PEBP4: variants seen among roughly 807,000 people sequenced by gnomAD.
PEBP4 encodes the protein phosphatidylethanolamine binding protein 4, also known as phosphatidylethanolamine-binding protein 4.
In PEBP4, 22 loss-of-function variants were observed where a neutral mutation model predicts 23.9. That is an observed-to-expected ratio of 0.92 (90% CI 0.66 to 1.31). The LOEUF (loss-of-function observed/expected upper bound fraction) is 1.31, where lower values mean the gene tolerates loss of function less well. PEBP4 is among the 40% of genes most tolerant of loss of function. The pLI, the probability that PEBP4 is intolerant of heterozygous loss-of-function variation, is 0.00. For missense variants in PEBP4, 324 were observed against 281.7 expected, an observed-to-expected ratio of 1.15 and a Z score of -1.07; for synonymous variants, 112 against 99.3, an observed-to-expected ratio of 1.13 and a Z score of -0.76.
intron 4 of PEBP4, among the ~76,000 whole-genome samples, chr8:22,731,198 T>C (rs1336424125): frequency 1.3e-5 from 2 of 152,204 alleles, no homozygotes; most frequent in Non-Finnish European, 2.9e-5. Flanking sequence ...AAAGTTACAC[T>C]GAGTGTGCCT....
chr8:22,787,244 G>T (rs1406862879), intron 4 of PEBP4, among the ~76,000 whole-genome samples: 2 of 152,326 alleles, frequency 1.3e-5, no homozygotes, highest in East Asian at 1.9e-4. Context: ...GAGGAGAGGG[G>T]TCGTATTTTT....
rs555177122 is a variant in PEBP4 at position 22,865,487 on chromosome 8, C to G, written c.259-47752G>C. On this transcript the variant is annotated intron_variant, in intron 3 of 6. Transcript: ENST00000256404. This position sits in a 1 kb window ranked among gnomAD's most constrained non-coding sequence, Gnocchi z 6.9. ...GCGAGGTGGAGCGCGCCACCGCCCCCCCGGCCGCGCAGCGAGAAGGAGCCT... is the reference window on the plus strand; with the variant it reads ...GCGAGGTGGAGCGCGCCACCGCCCCGCCGGCCGCGCAGCGAGAAGGAGCCT... Among the ~76,000 whole-genome samples the G allele has an allele frequency of 5.9e-5, 9 of 152,046 alleles. No individual in the cohort carries two copies. Among genetic ancestry groups the G allele is most frequent in the African/African-American group, 1.9e-4 (8 of 41,438 alleles).
intron 3 of PEBP4, among the ~76,000 whole-genome samples, chr8:22,918,554 T>C (rs1335804999): frequency 8.6e-5 from 13 of 152,020 alleles, no homozygotes; most frequent in Admixed American, 8.5e-4. Flanking sequence ...CACCAGGTGC[T>C]CAGAAAAGTC....
chr8:22,830,634 A>C (rs1807067151), intron 3 of PEBP4, among the ~76,000 whole-genome samples: 1 of 152,176 alleles, frequency 6.6e-6, no homozygotes, highest in African/African-American at 2.4e-5. Flanking sequence ...CTGGTATTCC[A>C]GAGTTTCCTA....
chr8:22,766,684 C>T (rs188890981), intron 4 of PEBP4, among the ~76,000 whole-genome samples: 27 of 152,278 alleles, frequency 1.8e-4, no homozygotes, highest in Non-Finnish European at 2.8e-4. Context: ...CAGCAGCACC[C>T]GGGGCGGCGG....
At chr8:22,862,104 G>T (rs756957804) in intron 3 of PEBP4, among the ~76,000 whole-genome samples, 4 of 152,086 alleles carry the variant, frequency 2.6e-5, no homozygotes, top group Non-Finnish European at 4.4e-5. Context: ...AAAGCACTCC[G>T]GCTGAACTGA....
chr8:22,770,373 A>C (rs1031892907), intron 4 of PEBP4, among the ~76,000 whole-genome samples: 1 of 152,094 alleles, frequency 6.6e-6, no homozygotes, highest in South Asian at 2.1e-4. Context: ...TCCTCCCTCA[A>C]TGCCAGGCCA....
intron 3 of PEBP4, among the ~76,000 whole-genome samples, chr8:22,891,020 G>C (rs1585327769): frequency 6.6e-6 from 1 of 152,096 alleles, no homozygotes; most frequent in African/African-American, 2.4e-5. Flanking sequence ...AGTAGAGATG[G>C]GGTTTCACCA....
At chr8:22,846,579 G>C (rs1013688957) in intron 3 of PEBP4, among the ~76,000 whole-genome samples, 1 of 152,176 alleles carries the variant, frequency 6.6e-6, no homozygotes, top group Admixed American at 6.5e-5. Context: ...TCTTGGAGAG[G>C]AGAAGGCCAG....
At chr8:22,746,916 T>C (rs1315851151) in intron 4 of PEBP4, among the ~76,000 whole-genome samples, 2 of 152,190 alleles carry the variant, frequency 1.3e-5, no homozygotes, top group Admixed American at 6.5e-5. Context: ...AGTGGCGTAA[T>C]TACGGCTCAA....
At chr8:22,846,338 GA>G in intron 3 of PEBP4, among the ~76,000 whole-genome samples, 1 of 152,156 alleles carries the variant, frequency 6.6e-6, no homozygotes, top group Non-Finnish European at 1.5e-5. Flanking sequence ...CTTTTGAGTG[GA>G]AAAGGGGAAA....
chr8:22,790,686 T>A (rs1469453119), intron 4 of PEBP4, among the ~76,000 whole-genome samples: 1 of 152,216 alleles, frequency 6.6e-6, no homozygotes, highest in African/African-American at 2.4e-5. Context: ...TCCGAATTTG[T>A]ACATTTTACA....
intron 4 of PEBP4, among the ~76,000 whole-genome samples, chr8:22,810,669 GGTGTGTGTGT>G (rs60078589): frequency 4.2e-3 from 540 of 129,150 alleles, no homozygotes; most frequent in East Asian, 7.2e-3. Flanking sequence ...CTCATGGAGG[GGTGTGTGTGT>G]GTGTGTGTGT....
intron 1 of PEBP4, among the ~76,000 whole-genome samples, chr8:22,934,678 T>TGCAA (rs952982027): frequency 7.0e-4 from 107 of 151,794 alleles, no homozygotes; most frequent in African/African-American, 2.3e-3. Flanking sequence ...CTCTTAAGAA[T>TGCAA]GCAAGCAAGC....
At chr8:22,748,216 C>T (rs992076761) in intron 4 of PEBP4, among the ~76,000 whole-genome samples, 9 of 152,044 alleles carry the variant, frequency 5.9e-5, no homozygotes, top group South Asian at 2.1e-4. Flanking sequence ...GAGGGGGCTG[C>T]GCTCAGGCTG....
intron 4 of PEBP4, among the ~76,000 whole-genome samples, chr8:22,795,031 T>A (rs1464899418): frequency 6.6e-6 from 1 of 151,156 alleles, no homozygotes; most frequent in Admixed American, 6.6e-5. Context: ...ACTCTCAGTA[T>A]ATATCTTAAT....
chr8:22,835,252 C>T (rs1012394260), intron 3 of PEBP4, among the ~76,000 whole-genome samples: 8 of 152,174 alleles, frequency 5.3e-5, no homozygotes, highest in African/African-American at 1.9e-4. Flanking sequence ...GAGTTAAAAG[C>T]ATGGAAGTAT....
At chr8:22,771,845 C>T (rs115658319) in intron 4 of PEBP4, among the ~76,000 whole-genome samples, 1,824 of 152,342 alleles carry the variant, frequency 0.012, 33 homozygotes, top group African/African-American at 0.041. Context: ...GTACGAACTG[C>T]CCCTTAATCT....
At position 22,759,353 on chromosome 8, in the gene PEBP4, CT is replaced by C. The variant is rs140035968; in HGVS notation, c.358-32134del. On this transcript the variant is annotated intron_variant, in intron 4 of 6. Transcript: ENST00000256404. ...AAGTGAAACATTAGAGAAGGACAGC[CT>C]TTTTTTTTTTTTCCTCAACAAAGGG... Among the ~76,000 whole-genome samples, 250 of 145,918 alleles carry C rather than the reference CT, an allele frequency of 1.7e-3. No individual in the cohort carries two copies. In the East Asian group the frequency reaches 0.022, roughly 13 times the overall value.
Sources: allele counts gnomAD v4.1 joint callset (sites outside exome capture counted in the v4.1 genomes callset), GRCh38; gene constraint gnomAD v4.1.1; non-coding constraint Gnocchi (gnomAD v3.1); transcripts MANE v1.5; gene names NCBI Gene and HGNC (gene_info 2026-07-23, HGNC 2026-07-21).